The following DOCK2 variants were observed in gnomAD, a reference collection of about 807,000 sequenced individuals.
The protein encoded by DOCK2 is dedicator of cytokinesis protein 2.
Under a neutral mutation model 248.9 loss-of-function variants are expected in DOCK2, and 87 were observed. The observed-to-expected ratio is 0.35, with a 90% CI of 0.29 to 0.42. DOCK2 has a LOEUF of 0.42. Among genes scored for constraint, DOCK2 ranks in the 10% least tolerant of loss-of-function variants. The probability of loss-of-function intolerance (pLI) is 1.00; values close to 1 mark genes in which losing one functional copy is unlikely to be tolerated. For synonymous variants in DOCK2, 805 were observed against 821.6 expected (o/e 0.98, Z 0.35); for missense variants, 1,747 against 2,300.2 (o/e 0.76, Z 4.92).
chr5:169,903,849 C>T (rs1201447633), intron 27 of DOCK2, among the ~76,000 whole-genome samples: 2 of 152,034 alleles, frequency 1.3e-5, no homozygotes, highest in African/African-American at 4.8e-5. Context: ...CCTGTAATCC[C>T]AGCACTTTGG....
At chr5:170,046,804 C>A (rs1352217651) in intron 39 of DOCK2, among the ~76,000 whole-genome samples, 1 of 152,034 alleles carries the variant, frequency 6.6e-6, no homozygotes, top group Admixed American at 6.6e-5. Flanking sequence ...TACATTCAAG[C>A]ACACACTAAT....
chr5:169,738,677 G>A (rs894944131), intron 22 of DOCK2, among the ~76,000 whole-genome samples: 1 of 152,218 alleles, frequency 6.6e-6, no homozygotes, highest in African/African-American at 2.4e-5. Flanking sequence ...TATGGAACAT[G>A]TATGTAACGT....
chr5:169,944,581 C>T (rs1365519452), intron 27 of DOCK2, among the ~76,000 whole-genome samples: 2 of 152,200 alleles, frequency 1.3e-5, no homozygotes, highest in African/African-American at 2.4e-5. Context: ...ATGGAGTGAC[C>T]TTGGGAGAGC....
intron 41 of DOCK2, 40 bp from the exon 42 acceptor site, chr5:170,055,265 G>C: frequency 6.3e-7 from 1 of 1,597,892 alleles, no homozygotes; most frequent in South Asian, 1.1e-5. Flanking sequence ...AACTGTCCCC[G>C]CAGCCAACAG....
intron 23 of DOCK2, among the ~76,000 whole-genome samples, chr5:169,752,833 G>A (rs184458473): frequency 2.0e-5 from 3 of 152,244 alleles, no homozygotes; most frequent in Admixed American, 1.3e-4. Flanking sequence ...TTGGGAGACC[G>A]AGGAGGGTGG....
At chr5:169,948,398 CT>C (rs1776528526) in intron 27 of DOCK2, among the ~76,000 whole-genome samples, 3 of 152,222 alleles carry the variant, frequency 2.0e-5, no homozygotes, top group Admixed American at 1.3e-4. Context: ...GCACCTTTCT[CT>C]GTTTTTTCAT....
intron 27 of DOCK2, among the ~76,000 whole-genome samples, chr5:169,952,470 C>T (rs1366106734): frequency 2.6e-5 from 4 of 152,046 alleles, no homozygotes; most frequent in African/African-American, 4.8e-5. Context: ...TGCCGCTGGT[C>T]TTATGCAGGT....
At chr5:169,878,443 GT>G (rs1772453269) in intron 27 of DOCK2, among the ~76,000 whole-genome samples, 1 of 152,188 alleles carries the variant, frequency 6.6e-6, no homozygotes, top group Non-Finnish European at 1.5e-5. Flanking sequence ...AAAAGGACTA[GT>G]TTTAGAAGTT....
intron 10 of DOCK2, 120 bp from the exon 11 acceptor site, chr5:169,698,254 G>T: frequency 1.1e-6 from 1 of 910,086 alleles, no homozygotes; most frequent in Non-Finnish European, 1.7e-6. Flanking sequence ...TGCCATTTTA[G>T]GCCTTCCTGA....
chr5:169,863,770 G>C (rs1771355644), intron 27 of DOCK2, among the ~76,000 whole-genome samples: 2 of 152,204 alleles, frequency 1.3e-5, no homozygotes, highest in Non-Finnish European at 2.9e-5. Flanking sequence ...CACTTCTCTT[G>C]TGCTTATTAT....
At chr5:169,800,940 C>CT (rs1411340779) in intron 25 of DOCK2, among the ~76,000 whole-genome samples, 1 of 63,452 alleles carries the variant, frequency 1.6e-5, no homozygotes, top group African/African-American at 1.1e-4. Flanking sequence ...TCTTTTCTTT[C>CT]TTTCTTTTTT....
chr5:169,831,742 A>G (rs905276431), intron 26 of DOCK2, among the ~76,000 whole-genome samples: 3 of 152,216 alleles, frequency 2.0e-5, no homozygotes, highest in African/African-American at 7.2e-5. Context: ...AACTCAAAAG[A>G]TATTAGCTCT....
intron 27 of DOCK2, among the ~76,000 whole-genome samples, chr5:169,952,682 C>G (rs1272184025): frequency 6.6e-6 from 1 of 152,114 alleles, no homozygotes; most frequent in African/African-American, 2.4e-5. Context: ...TTCCTAATCC[C>G]GTGGATATCA....
intron 32 of DOCK2, among the ~76,000 whole-genome samples, chr5:170,017,228 C>A (rs1006028897): frequency 6.6e-6 from 1 of 152,160 alleles, no homozygotes; most frequent in Non-Finnish European, 1.5e-5. Flanking sequence ...ACACGCCATA[C>A]CACCTGAGTT....
chr5:169,807,649 G>A (rs1767466570), intron 26 of DOCK2, among the ~76,000 whole-genome samples: 2 of 151,636 alleles, frequency 1.3e-5, no homozygotes, highest in African/African-American at 4.8e-5. Flanking sequence ...TGGCTAATAC[G>A]GTGAAACCCC....
At chr5:169,951,711 A>AT (rs1467126356) in intron 27 of DOCK2, among the ~76,000 whole-genome samples, 1 of 152,242 alleles carries the variant, frequency 6.6e-6, no homozygotes, top group Non-Finnish European at 1.5e-5. Flanking sequence ...ATACACAAAC[A>AT]TATGTATAGC....
intron 27 of DOCK2, among the ~76,000 whole-genome samples, chr5:169,895,930 C>T (rs914013562): frequency 3.9e-5 from 6 of 152,178 alleles, no homozygotes; most frequent in Non-Finnish European, 8.8e-5. Context: ...ATTTTCTGGC[C>T]TGGAGATGTC....
chr5:169,767,769 A>G (rs531278099), intron 25 of DOCK2, among the ~76,000 whole-genome samples: 25 of 152,228 alleles, frequency 1.6e-4, no homozygotes, highest in Non-Finnish European at 3.1e-4. Context: ...GAGACTTAAT[A>G]TTTATCAAAT....
Position 169,983,150 on chromosome 5 carries a change from C to T in DOCK2, c.2882C>T (p.Thr961Ile). The T allele has an allele frequency of 1.2e-6, 2 of 1,614,084 alleles. No homozygotes were observed. Among genetic ancestry groups the T allele is most frequent in the Non-Finnish European group, 1.7e-6 (2 of 1,179,920 alleles). Reference sequence around the variant, plus strand: ...TCCTTCTACATTGAGACCTTCCAGACCAGCTCTGAACTTGTGGTGAGTCTG... The same window carrying T: ...TCCTTCTACATTGAGACCTTCCAGATCAGCTCTGAACTTGTGGTGAGTCTG... ...HYSFYIETFQ[T>I]SSELVDFLME... is the part of the protein sequence containing the mutation. The change falls in exon 28 of 52, where the codon ACC becomes ATC. Residue 961 changes from threonine to isoleucine, a missense_variant. By Grantham distance (89) the Thr-to-Ile change is moderately conservative. This residue lies in a region of DOCK2 where 858 missense variants were observed against 1,183.5 expected (regional missense o/e 0.72). Transcript: ENST00000520908.
Sources: allele counts gnomAD v4.1 joint callset (sites outside exome capture counted in the v4.1 genomes callset), GRCh38; gene constraint gnomAD v4.1.1; regional missense constraint gnomAD v4.1.1; transcripts MANE v1.5; gene names NCBI Gene and HGNC (gene_info 2026-07-23, HGNC 2026-07-21).